The following IMMT variants were observed in gnomAD, a reference collection of about 807,000 sequenced individuals.
IMMT encodes MICOS complex subunit MIC60.
Under a neutral mutation model 92.7 loss-of-function variants are expected in IMMT, and 40 were observed. That is an observed-to-expected ratio of 0.43 (90% CI 0.34 to 0.56). The LOEUF (loss-of-function observed/expected upper bound fraction) is 0.56, where lower values mean the gene tolerates loss of function less well. Among genes scored for constraint, IMMT ranks in the 20% least tolerant of loss-of-function variants. IMMT has a pLI of 0.03. For synonymous variants in IMMT, 322 were observed against 336.1 expected (o/e 0.96, Z 0.46); for missense variants, 831 against 912.1 (o/e 0.91, Z 1.14).
At chr2:86,148,591 G>A (rs189945229) in intron 12 of IMMT, among the ~76,000 whole-genome samples, 187 of 152,246 alleles carry the variant, frequency 1.2e-3, no homozygotes, top group African/African-American at 4.1e-3. Context: ...CAGCCTGGGC[G>A]ACAGAGCAAG....
At chr2:86,159,831 A>C (rs1676138712) in intron 8 of IMMT, 160 bp from the exon 9 acceptor site, 1 of 463,756 alleles carries the variant, frequency 2.2e-6, no homozygotes, top group Admixed American at 4.1e-5. Context: ...AGGCAGGAGG[A>C]TCACTTGAGC....
At chr2:86,176,077 G>A (rs543924503) in intron 3 of IMMT, among the ~76,000 whole-genome samples, 1 of 152,298 alleles carries the variant, frequency 6.6e-6, no homozygotes, top group South Asian at 2.1e-4. Flanking sequence ...AGGCTGCAAA[G>A]GTAAACAAGT....
chr2:86,159,838 G>A (rs900670203), intron 8 of IMMT, 167 bp from the exon 9 acceptor site: 10 of 435,836 alleles, frequency 2.3e-5, no homozygotes, highest in African/African-American at 2.0e-4. Context: ...AGGATCACTT[G>A]AGCCCAGGAG....
chr2:86,184,142 T>C (rs1297650604), intron 1 of IMMT, among the ~76,000 whole-genome samples: 1 of 151,932 alleles, frequency 6.6e-6, no homozygotes, highest in Non-Finnish European at 1.5e-5. Flanking sequence ...GGGGTGAAAA[T>C]ACAGAAATAG....
chr2:86,167,486 T>G (rs1315987831), intron 6 of IMMT, among the ~76,000 whole-genome samples: 32 of 4,282 alleles, frequency 7.5e-3, no homozygotes, highest in Non-Finnish European at 0.019. Context: ...TGTTTTTTGT[T>G]TTTTTTTTTT....
intron 4 of IMMT, among the ~76,000 whole-genome samples, chr2:86,172,940 T>C (rs1213053318): frequency 6.6e-6 from 1 of 152,242 alleles, no homozygotes; most frequent in East Asian, 1.9e-4. Context: ...TCTGACATCC[T>C]ATACGTTTTA....
chr2:86,193,498 C>A (rs777812474), intron 1 of IMMT, among the ~76,000 whole-genome samples: 2 of 151,696 alleles, frequency 1.3e-5, no homozygotes, highest in Non-Finnish European at 2.9e-5. Context: ...TCAAATACGA[C>A]GAGGCTAGAG....
chr2:86,178,926 G>C (rs1189458799), intron 3 of IMMT, among the ~76,000 whole-genome samples: 1 of 152,102 alleles, frequency 6.6e-6, no homozygotes, highest in Non-Finnish European at 1.5e-5. Context: ...GCCGGGCATG[G>C]TGGCAGTTGC....
At chr2:86,169,835 T>G (rs939718888) in intron 6 of IMMT, among the ~76,000 whole-genome samples, 1 of 151,930 alleles carries the variant, frequency 6.6e-6, no homozygotes, top group South Asian at 2.1e-4. Context: ...GAGGATTTCT[T>G]GAGGCCAAGA....
chr2:86,176,399 T>TA (rs1170011597), intron 3 of IMMT, among the ~76,000 whole-genome samples: 1 of 152,108 alleles, frequency 6.6e-6, no homozygotes, highest in Non-Finnish European at 1.5e-5. Flanking sequence ...TCTAGGTGGG[T>TA]AGAGACTGGG....
chr2:86,169,364 A>C (rs557980920), intron 6 of IMMT, among the ~76,000 whole-genome samples: 2 of 152,340 alleles, frequency 1.3e-5, no homozygotes, highest in Admixed American at 6.5e-5. Flanking sequence ...TTTGTAACAC[A>C]ATCAGAAGAA....
At chr2:86,166,736 A>T in intron 6 of IMMT, 92 bp from the exon 7 acceptor site, 1 of 1,222,238 alleles carries the variant, frequency 8.2e-7, no homozygotes, top group Non-Finnish European at 1.1e-6. Context: ...CTTCCATTGC[A>T]TTTCCCAAAA....
intron 14 of IMMT, among the ~76,000 whole-genome samples, chr2:86,145,390 G>C (rs540129327): frequency 1.7e-4 from 25 of 150,850 alleles, no homozygotes; most frequent in African/African-American, 6.1e-4. Context: ...AGCTACTCAG[G>C]AGTCTGAGGC....
intron 10 of IMMT, among the ~76,000 whole-genome samples, chr2:86,157,312 A>T (rs972125314): frequency 6.6e-6 from 1 of 152,190 alleles, no homozygotes; most frequent in Non-Finnish European, 1.5e-5. Context: ...CCTTAACTCC[A>T]CTTCTTGACA....
chr2:86,192,239 C>T (rs535711643), intron 1 of IMMT, among the ~76,000 whole-genome samples: 3 of 152,230 alleles, frequency 2.0e-5, no homozygotes, highest in Non-Finnish European at 4.4e-5. Flanking sequence ...TCTCTACACA[C>T]ACACACACAC....
chr2:86,153,367 C>G (rs904477679), intron 11 of IMMT, among the ~76,000 whole-genome samples, 193 bp downstream of exon 11: 6 of 150,528 alleles, frequency 4.0e-5, no homozygotes, highest in African/African-American at 1.5e-4. Context: ...ATTCCAATCA[C>G]TTGATGAAAC....
intron 3 of IMMT, among the ~76,000 whole-genome samples, chr2:86,178,036 C>T (rs940617572): frequency 1.3e-5 from 2 of 152,130 alleles, no homozygotes; most frequent in African/African-American, 4.8e-5. Flanking sequence ...AAACTGGCGG[C>T]CAGGAGCGGT....
intron 2 of IMMT, among the ~76,000 whole-genome samples, chr2:86,180,657 C>T (rs1183580493): frequency 3.3e-5 from 5 of 151,546 alleles, no homozygotes; most frequent in Non-Finnish European, 5.9e-5. Flanking sequence ...GAGGCCGAGG[C>T]GGATGGATCA....
In IMMT at chr2:86,195,387, G is replaced by C. The variant is rs1001030693; in HGVS notation, c.-5C>G. On this transcript the variant is annotated 5_prime_UTR_variant, in exon 1 of 15. Transcript: ENST00000410111. ...TAACTGACAGGCCCGCAGCATCTCG[G>C]TCAAGCGGACGGCGCTGCTGGTGGA... 1 of 1,548,510 alleles carries C rather than the reference G, an allele frequency of 6.5e-7. No homozygotes were observed. Among genetic ancestry groups the C allele is most frequent in the African/African-American group, 1.4e-5 (1 of 72,724 alleles).
Sources: gnomAD v4.1 joint callset for allele counts (sites outside exome capture counted in the v4.1 genomes callset) on GRCh38, gnomAD v4.1.1 for gene constraint, MANE v1.5 for transcripts, NCBI Gene and HGNC (gene_info 2026-07-23, HGNC 2026-07-21) for gene names.